Variants in KCTD5 observed in about 807,000 individuals in gnomAD.
KCTD5 encodes the protein BTB/POZ domain-containing protein KCTD5.
Under a neutral mutation model 27.9 loss-of-function variants are expected in KCTD5, and 12 were observed. That is an observed-to-expected ratio of 0.43 (90% CI 0.28 to 0.70). The LOEUF is 0.70. KCTD5 is among the 30% of genes least tolerant of loss of function. The pLI is 0.19. For synonymous variants in KCTD5, 147 were observed against 121.4 expected (o/e 1.21, Z -1.39); for missense variants, 226 against 274.8 (o/e 0.82, Z 1.26).
intron 5 of KCTD5, among the ~76,000 whole-genome samples, chr16:2,703,755 G>A (rs557301376): frequency 1.3e-5 from 2 of 152,310 alleles, no homozygotes; most frequent in African/African-American, 4.8e-5. Context: ...CTCCACTGCC[G>A]TTCCTCGAGG....
At chr16:2,704,867 TG>T (rs2067628210) in intron 5 of KCTD5, among the ~76,000 whole-genome samples, 1 of 151,552 alleles carries the variant, frequency 6.6e-6, no homozygotes, top group Non-Finnish European at 1.5e-5. Flanking sequence ...CTGCCAGGAG[TG>T]GGGCCAGAGG....
chr16:2,692,434 C>T (rs181834926), intron 1 of KCTD5, among the ~76,000 whole-genome samples: 15 of 152,142 alleles, frequency 9.9e-5, no homozygotes, highest in Non-Finnish European at 1.6e-4. Context: ...GAAGCGGCCC[C>T]GGACTGGCTG....
chr16:2,682,579 C>T lies in KCTD5; in HGVS notation c.31C>T (p.Pro11Ser), dbSNP rs768135825. 2.8e-6 allele frequency: 4 copies of T among 1,415,720 alleles called. No individual in the cohort carries two copies. Among genetic ancestry groups the T allele is most frequent in the South Asian group, 1.8e-5 (1 of 55,304 alleles). 87.7% of individuals were successfully genotyped at this position (1,415,720 alleles called of 1,614,324 possible). A position where few individuals can be genotyped will look rare whatever the true frequency, so the allele number is the denominator to read the frequency against. The change falls in exon 1 of 6, where the codon CCG (proline) becomes TCG (serine). Residue 11 changes from proline (P) to serine (S), a missense_variant. Pro to Ser is a moderately conservative substitution (Grantham distance 74). Coordinates refer to ENST00000301738, the MANE Select transcript of KCTD5 (RefSeq NM_018992.4). MAENHCELLS[P>S]ARGGIGAGLG... ...GGAGAATCACTGCGAGCTCCTGTCG[C>T]CGGCCCGGGGCGGCATCGGGGCGGG...
In KCTD5 at chr16:2,687,867, A is replaced by G. The variant is rs114811733; in HGVS notation, c.252+5067A>G. Among the ~76,000 whole-genome samples the G allele has an allele frequency of 3.4e-3, 513 of 152,254 alleles. 2 individuals carry two copies. Among genetic ancestry groups the G allele is most frequent in the African/African-American group, 0.011 (465 of 41,542 alleles). ...GGTGCCAGCAAGCCATCTCTCTCCC[A>G]GGACATGCTTGTTCTCCCTGGGCGT... On this transcript the variant is annotated intron_variant, in intron 1 of 5. Transcript: ENST00000301738.
chr16:2,682,846 C>G, intron 1 of KCTD5, 46 bp downstream of exon 1: 3 of 1,532,522 alleles, frequency 2.0e-6, no homozygotes, highest in Non-Finnish European at 2.6e-6. Context: ...CCTTCCCGGC[C>G]TGCGGCTCCT....
intron 1 of KCTD5, chr16:2,684,445 C>A (rs1247887600): frequency 6.6e-6 from 1 of 150,882 alleles, no homozygotes; most frequent in African/African-American, 2.4e-5. Context: ...ACCAACCGGG[C>A]CAATATGGTG....
chr16:2,700,412 ATGGGTCTG>A (rs2067606273), intron 4 of KCTD5, among the ~76,000 whole-genome samples: 1 of 152,060 alleles, frequency 6.6e-6, no homozygotes, highest in Non-Finnish European at 1.5e-5. Flanking sequence ...GTGGGGTCTG[ATGGGTCTG>A]TGCAGGGCAT....
chr16:2,692,443 T>C (rs1025934200), intron 1 of KCTD5, among the ~76,000 whole-genome samples: 1 of 152,184 alleles, frequency 6.6e-6, no homozygotes, highest in African/African-American at 2.4e-5. Flanking sequence ...CCGGACTGGC[T>C]GGCTCCTCTC....
intron 1 of KCTD5, among the ~76,000 whole-genome samples, chr16:2,692,355 A>C (rs909000914): frequency 6.6e-6 from 1 of 152,156 alleles, no homozygotes; most frequent in African/African-American, 2.4e-5. Context: ...GGGACAGTGC[A>C]GAGGAGACTG....
chr16:2,700,035 C>A (rs2067604097), intron 4 of KCTD5, 119 bp downstream of exon 4: 2 of 910,826 alleles, frequency 2.2e-6, no homozygotes, highest in South Asian at 1.5e-5. Flanking sequence ...TCCTGCAGTT[C>A]TGGGGGTGCT....
intron 1 of KCTD5, among the ~76,000 whole-genome samples, chr16:2,691,343 A>G (rs1030114647): frequency 6.6e-6 from 1 of 152,132 alleles, no homozygotes; most frequent in African/African-American, 2.4e-5. Flanking sequence ...GAAGGAACCC[A>G]TGGGAAGAAA....
intron 1 of KCTD5, among the ~76,000 whole-genome samples, chr16:2,692,690 C>T (rs1336653622): frequency 6.6e-6 from 1 of 152,254 alleles, no homozygotes; most frequent in Non-Finnish European, 1.5e-5. Flanking sequence ...TTCATGCCCT[C>T]CCTGGCCTGA....
intron 3 of KCTD5, chr16:2,699,273 A>G (rs1308310769): frequency 2.2e-6 from 1 of 454,160 alleles, no homozygotes; most frequent in East Asian, 7.0e-5. Context: ...CACTCCCAGG[A>G]CCACAGCTGC....
chr16:2,688,571 CT>C lies in KCTD5; in HGVS notation c.252+5775del, dbSNP rs1170186169. ...TTTTAGGAAGGATATGCTAAGAACG[CT>C]TTTCCCCTCCCGCAGCCACACTTAA... On this transcript the variant is annotated intron_variant, in intron 1 of 5. Transcript: ENST00000301738. 6.7e-5 allele frequency among the ~76,000 whole-genome samples: 10 copies of C among 150,252 alleles called. No individual in the cohort carries two copies. The East Asian group carries it at 2.0e-3, about 30-fold the overall frequency.
intron 1 of KCTD5, among the ~76,000 whole-genome samples, chr16:2,692,882 G>T (rs1308574860): frequency 1.3e-5 from 2 of 152,264 alleles, no homozygotes; most frequent in Non-Finnish European, 2.9e-5. Context: ...CGGCAGAGGG[G>T]CCTTTCTGGG....
chr16:2,693,540 G>T (rs565808567), intron 1 of KCTD5, among the ~76,000 whole-genome samples: 1 of 152,202 alleles, frequency 6.6e-6, no homozygotes, highest in African/African-American at 2.4e-5. Flanking sequence ...GTGCCCTGCC[G>T]GCTCCTTGGA....
chr16:2,698,158 C>T (rs1029312705), intron 3 of KCTD5, among the ~76,000 whole-genome samples, 161 bp downstream of exon 3: 6 of 152,198 alleles, frequency 3.9e-5, no homozygotes, highest in Admixed American at 2.0e-4. Context: ...CTGCCAGCTC[C>T]GTCTACCCGG....
chr16:2,700,257 C>T (rs932293710), intron 4 of KCTD5, among the ~76,000 whole-genome samples: 1 of 152,242 alleles, frequency 6.6e-6, no homozygotes, highest in Non-Finnish European at 1.5e-5. Flanking sequence ...CACTATCCAG[C>T]GCAATCCCCG....
intron 2 of KCTD5, among the ~76,000 whole-genome samples, chr16:2,696,666 C>T (rs1351412499): frequency 6.6e-6 from 1 of 152,190 alleles, no homozygotes; most frequent in African/African-American, 2.4e-5. Context: ...GGGCGTGGCC[C>T]TGCTCCCCCG....
Sources: gnomAD v4.1 joint callset for allele counts (sites outside exome capture counted in the v4.1 genomes callset) on GRCh38, gnomAD v4.1.1 for gene constraint, MANE v1.5 for transcripts, NCBI Gene and HGNC (gene_info 2026-07-23, HGNC 2026-07-21) for gene names.